ERCC6: variants seen among roughly 807,000 people sequenced by gnomAD.
ERCC6 encodes the protein DNA excision repair protein ERCC-6.
A neutral mutation model predicts 158.7 loss-of-function variants in ERCC6; 116 were observed. The ratio of observed to expected loss-of-function variants is 0.73; its 90% CI spans 0.63 to 0.85. ERCC6 has a LOEUF of 0.85. ERCC6 is among the 40% of genes least tolerant of loss of function. The pLI is 0.00. For missense variants in ERCC6, 1,698 were observed against 1,799.4 expected (o/e 0.94, Z 1.02); for synonymous variants, 678 against 659.3 (o/e 1.03, Z -0.43).
chr10:49,527,199 A>G (rs1837361038), intron 4 of ERCC6, among the ~76,000 whole-genome samples: 1 of 152,202 alleles, frequency 6.6e-6, no homozygotes, highest in South Asian at 2.1e-4. Flanking sequence ...AGTTTTAGCT[A>G]TTAACCCTAA....
At chr10:49,473,322 A>G (rs1850814698) in intron 14 of ERCC6, among the ~76,000 whole-genome samples, 155 bp downstream of exon 14, 1 of 152,234 alleles carries the variant, frequency 6.6e-6, no homozygotes, top group South Asian at 2.1e-4. Context: ...ATCCAGAAGT[A>G]GGGCATAGAG....
intron 7 of ERCC6, among the ~76,000 whole-genome samples, chr10:49,496,810 GAACAAACA>G (rs202166883): frequency 0.015 from 2,223 of 152,096 alleles, 46 homozygotes; most frequent in African/African-American, 0.049. Flanking sequence ...CTCTGTCTCA[GAACAAACA>G]AACAAACAAA....
the ERCC6 span, among the ~76,000 whole-genome samples, chr10:49,444,245 G>A: frequency 1.8e-4 from 27 of 152,254 alleles, no homozygotes; most frequent in East Asian, 4.1e-3. Flanking sequence ...GGAGAAATGG[G>A]AGCCTTCACC....
chr10:49,504,738 C>T (rs1851415227), intron 6 of ERCC6: 1 of 152,136 alleles, frequency 6.6e-6, no homozygotes, highest in African/African-American at 2.4e-5. Flanking sequence ...AACAAAGCAA[C>T]CACCTCTGTA....
intron 5 of ERCC6, among the ~76,000 whole-genome samples, chr10:49,521,145 C>T (rs1837147975): frequency 1.3e-5 from 2 of 152,210 alleles, no homozygotes; most frequent in Non-Finnish European, 2.9e-5. Context: ...TGCAGACATG[C>T]ATTGTTGACA....
chr10:49,533,080 A>G, intron 1 of ERCC6, 102 bp from the exon 2 acceptor site: 1 of 1,357,054 alleles, frequency 7.4e-7, no homozygotes, highest in South Asian at 1.4e-5. Context: ...AAGATCAAGT[A>G]ATAATCTTCC....
At chr10:49,440,038 C>A in the ERCC6 span, among the ~76,000 whole-genome samples, 1 of 152,312 alleles carries the variant, frequency 6.6e-6, no homozygotes, top group East Asian at 1.9e-4. Context: ...CTGTCCTCTT[C>A]TGAGCCTTCC....
intron 6 of ERCC6, chr10:49,503,661 T>A (rs1851392219): frequency 6.6e-6 from 1 of 152,172 alleles, no homozygotes; most frequent in Non-Finnish European, 1.5e-5. Flanking sequence ...CTGACTTTGG[T>A]TTTATTGCTT....
At chr10:49,510,640 G>T (rs780448249) in intron 5 of ERCC6, among the ~76,000 whole-genome samples, 3 of 152,186 alleles carry the variant, frequency 2.0e-5, no homozygotes, top group Non-Finnish European at 4.4e-5. Context: ...GCCACCTGGG[G>T]ACAAACACTG....
At chr10:49,448,274 C>A in the ERCC6 span, among the ~76,000 whole-genome samples, 101,324 of 151,952 alleles carry the variant, frequency 0.67, 34,284 homozygotes, top group South Asian at 0.8. Context: ...TTTGACTTGC[C>A]TTTCCCTAAA....
At position 49,524,287 on chromosome 10, in the gene ERCC6, T is replaced by C; in HGVS notation, c.1143A>G (p.Glu381=). 3 of 1,614,024 alleles carry C rather than the reference T, an allele frequency of 1.9e-6. No homozygotes were observed. The highest frequency in any genetic ancestry group is 1.7e-6 in the Non-Finnish European group (2 of 1,179,970). The change falls in exon 5 of 21, where the codon GAA becomes GAG. Residue 381 remains glutamate (E), a synonymous_variant. Coordinates refer to ENST00000355832, the MANE Select transcript of ERCC6 (RefSeq NM_000124.4). ...ESEYFPTEEE[E]EEEDDEVEGA... is the part of the protein sequence containing the mutation. The stretch of plus-strand genomic sequence containing the variant: ...CCTCCACCTCGTCATCTTCCTCCTC[T>C]TCCTCCTCCTCTGTGGGGAAATACT...
chr10:49,474,192 G>C lies in ERCC6; in HGVS notation c.2433C>G (p.Leu811=), dbSNP rs2132541923. ...TGAGATTCTTGGGACCTCCAGAAAA[G>C]AGATCAGGGTGGTTGCAAATTTTTC... ...ALRKICNHPD[L]FSGGPKNLKG... Residue 811 remains leucine (L), a synonymous_variant, in exon 13 of 21, where the codon CTC becomes CTG. Coordinates refer to ENST00000355832, the MANE Select transcript of ERCC6 (RefSeq NM_000124.4). 2.5e-6 allele frequency: 4 copies of C among 1,614,160 alleles called. No individual in the cohort carries two copies. The highest frequency in any genetic ancestry group is 3.4e-6 in the Non-Finnish European group (4 of 1,180,030).
intron 6 of ERCC6, chr10:49,504,404 C>T (rs1851409395): frequency 1.3e-5 from 2 of 151,978 alleles, no homozygotes; most frequent in Non-Finnish European, 2.9e-5. Context: ...TACACTGAAT[C>T]CTAAATACTT....
intron 4 of ERCC6, among the ~76,000 whole-genome samples, chr10:49,526,640 C>T (rs28506155): frequency 0.016 from 2,386 of 152,266 alleles, 24 homozygotes; most frequent in Non-Finnish European, 0.024. Flanking sequence ...TAGGTCTTTA[C>T]ACTGAGTATT....
chr10:49,507,564 T>C (rs934056179), intron 5 of ERCC6, among the ~76,000 whole-genome samples: 3 of 152,190 alleles, frequency 2.0e-5, no homozygotes, highest in Non-Finnish European at 4.4e-5. Flanking sequence ...GAATTATCTC[T>C]AGGTGGCTAT....
At chr10:49,474,348 C>T (rs1850837398) in intron 12 of ERCC6, 106 bp from the exon 13 acceptor site, 1 of 823,444 alleles carries the variant, frequency 1.2e-6, no homozygotes, top group Admixed American at 1.9e-5. Flanking sequence ...AAACAGTTCT[C>T]CACCAGCTTC....
At position 49,483,536 on chromosome 10, in the gene ERCC6, G is replaced by A; in HGVS notation, c.1822-20C>T. 1 of 1,613,056 alleles carries A rather than the reference G, an allele frequency of 6.2e-7. No individual in the cohort carries two copies. Among genetic ancestry groups the A allele is most frequent in the Non-Finnish European group, 8.5e-7 (1 of 1,179,474 alleles). On this transcript the variant is annotated intron_variant, in intron 8 of 20. Coordinates refer to ENST00000355832, the MANE Select transcript of ERCC6 (RefSeq NM_000124.4). ...TTTCTCCTGAGACCACAATAAAATG[G>A]TAAAGTCAGTTTTAAATAAGAAGTG...
intron 1 of ERCC6, among the ~76,000 whole-genome samples, chr10:49,534,846 A>G (rs72793798): frequency 0.054 from 8,278 of 152,308 alleles, 302 homozygotes; most frequent in Non-Finnish European, 0.084. Context: ...TCCCTTATTA[A>G]GTAAAATAAG....
At chr10:49,486,183 C>T (rs1434505564) in intron 8 of ERCC6, among the ~76,000 whole-genome samples, 1 of 152,094 alleles carries the variant, frequency 6.6e-6, no homozygotes, top group Non-Finnish European at 1.5e-5. Context: ...AATGACACAT[C>T]CACAGCCTAC....
Sources: allele counts gnomAD v4.1 joint callset (sites outside exome capture counted in the v4.1 genomes callset), GRCh38; gene constraint gnomAD v4.1.1; transcripts MANE v1.5; gene names NCBI Gene and HGNC (gene_info 2026-07-23, HGNC 2026-07-21).